The following CYB5A variants were observed in gnomAD, a reference collection of about 807,000 sequenced individuals.
CYB5A encodes cytochrome b5 type A, also known as cytochrome b5.
CYB5A carries 10 observed loss-of-function variants against 16.2 expected under a neutral mutation model. The observed-to-expected ratio is 0.62, with a 90% confidence interval of 0.38 to 1.04. The LOEUF (loss-of-function observed/expected upper bound fraction) is 1.04, where lower values mean the gene tolerates loss of function less well. Ranked by LOEUF, CYB5A falls within the 50% of genes least tolerant of loss-of-function variation. The pLI, the probability that CYB5A is intolerant of heterozygous loss-of-function variation, is 0.01. For missense variants in CYB5A, 161 were observed against 165.9 expected, an observed-to-expected ratio of 0.97 and a Z score of 0.16; for synonymous variants, 62 against 57.0, an observed-to-expected ratio of 1.09 and a Z score of -0.40.
At chr18:74,289,117 C>T (rs545300131) in intron 1 of CYB5A, among the ~76,000 whole-genome samples, 5 of 152,316 alleles carry the variant, frequency 3.3e-5, no homozygotes, top group South Asian at 4.1e-4. Context: ...TCCTCCTAGC[C>T]GTTCCAGGGG....
At chr18:74,283,445 G>A (rs751777048) in intron 1 of CYB5A, among the ~76,000 whole-genome samples, 4 of 152,092 alleles carry the variant, frequency 2.6e-5, no homozygotes, top group Non-Finnish European at 4.4e-5. Flanking sequence ...ACTCCACCCC[G>A]ACTCCCTCTA....
chr18:74,262,410 C>T (rs749969824), intron 2 of CYB5A, among the ~76,000 whole-genome samples: 34 of 150,254 alleles, frequency 2.3e-4, no homozygotes, highest in Admixed American at 2.3e-3. Context: ...GGGCCGAGAT[C>T]GCGCCACTGC....
chr18:74,266,270 G>C (rs1320023951), intron 1 of CYB5A, among the ~76,000 whole-genome samples: 1 of 152,204 alleles, frequency 6.6e-6, no homozygotes, highest in Admixed American at 6.5e-5. Context: ...GTAGAGAGAA[G>C]CCACATGGTG....
chr18:74,257,632 A>G (rs1243531948), intron 3 of CYB5A: 2 of 152,324 alleles, frequency 1.3e-5, no homozygotes, highest in African/African-American at 4.8e-5. Context: ...TCAGTGTGTC[A>G]AAGTCTGGGC....
At chr18:74,276,653 C>A (rs1430062789) in intron 1 of CYB5A, among the ~76,000 whole-genome samples, 1 of 151,996 alleles carries the variant, frequency 6.6e-6, no homozygotes, top group Non-Finnish European at 1.5e-5. Flanking sequence ...TGACAATCTG[C>A]AGCAGGTCAA....
At chr18:74,272,796 C>T (rs1982720398) in intron 1 of CYB5A, among the ~76,000 whole-genome samples, 1 of 151,120 alleles carries the variant, frequency 6.6e-6, no homozygotes, top group African/African-American at 2.4e-5. Flanking sequence ...GTGGTGGGCG[C>T]CTGTATCCTC....
chr18:74,263,989 T>C (rs1417363192), intron 1 of CYB5A, among the ~76,000 whole-genome samples: 1 of 152,098 alleles, frequency 6.6e-6, no homozygotes. Flanking sequence ...CCTAGGCAGA[T>C]CACTTGAGTT....
intron 1 of CYB5A, among the ~76,000 whole-genome samples, chr18:74,283,060 C>T (rs1983179366): frequency 6.6e-6 from 1 of 152,076 alleles, no homozygotes; most frequent in Non-Finnish European, 1.5e-5. Context: ...CCAGTGGCCA[C>T]CATGAGAGGT....
At chr18:74,278,909 T>G (rs947392513) in intron 1 of CYB5A, among the ~76,000 whole-genome samples, 1 of 152,232 alleles carries the variant, frequency 6.6e-6, no homozygotes, top group Non-Finnish European at 1.5e-5. Flanking sequence ...CTTGTCTCAT[T>G]GGATAAAATA....
intron 1 of CYB5A, among the ~76,000 whole-genome samples, chr18:74,272,255 G>A (rs1308590435): frequency 6.6e-6 from 1 of 152,160 alleles, no homozygotes; most frequent in Non-Finnish European, 1.5e-5. Flanking sequence ...GAAAGTTTTA[G>A]GCGATTAGCA....
At chr18:74,256,747 G>C (rs1981998571) in intron 3 of CYB5A, 6 of 1,303,064 alleles carry the variant, frequency 4.6e-6, no homozygotes, top group Non-Finnish European at 6.7e-6. Flanking sequence ...GCATCACTCT[G>C]CAAAGCACGT....
At chr18:74,259,323 T>C (rs1466068455) in intron 3 of CYB5A, 1 of 152,238 alleles carries the variant, frequency 6.6e-6, no homozygotes, top group Non-Finnish European at 1.5e-5. Context: ...TCTTTGATAC[T>C]AAAAGCTAAA....
chr18:74,261,510 G>T, intron 2 of CYB5A: 1 of 166,654 alleles, frequency 6.0e-6, no homozygotes, highest in East Asian at 1.6e-4. Context: ...ACAAGGATGG[G>T]ATCAGGCATG....
intron 1 of CYB5A, among the ~76,000 whole-genome samples, chr18:74,287,932 C>T (rs1446125108): frequency 1.3e-5 from 2 of 152,098 alleles, no homozygotes; most frequent in African/African-American, 4.8e-5. Flanking sequence ...AAATAACTGT[C>T]CCTTAAAGTT....
chr18:74,264,257 C>T (rs1790893), intron 1 of CYB5A, among the ~76,000 whole-genome samples: 142,869 of 151,612 alleles, frequency 0.94, 67,770 homozygotes, highest in East Asian at 1. Flanking sequence ...CTTTCACTAA[C>T]AACATAAGTT....
chr18:74,264,210 CAAA>C (rs59600245), intron 1 of CYB5A, among the ~76,000 whole-genome samples: 134,748 of 144,056 alleles, frequency 0.94, 63,337 homozygotes, highest in East Asian at 0.99. Context: ...GACTCTGTCT[CAAA>C]AAAAAAAAAA....
chr18:74,263,202 T>C, intron 2 of CYB5A, 147 bp downstream of exon 2: 1 of 1,073,302 alleles, frequency 9.3e-7, no homozygotes. Context: ...GGTCAATTTA[T>C]TTATAACAAA....
rs1044313666 is a variant in CYB5A, at chr18:74,252,348, G to A, written c.*1236C>T. 6.6e-6 allele frequency: 1 copy of A among 152,188 alleles called. No individual in the cohort carries two copies. The highest frequency in any genetic ancestry group is 1.5e-5 in the Non-Finnish European group (1 of 68,036). The allele number at this position is 152,188 out of a possible 1,614,324, so 9.4% of individuals were successfully genotyped here. A position where few individuals can be genotyped will look rare whatever the true frequency, so the allele number is the denominator to read the frequency against. On this transcript the variant is annotated 3_prime_UTR_variant, in exon 5 of 5. Coordinates refer to ENST00000340533, the MANE Select transcript of CYB5A (RefSeq NM_148923.4). ...TAAGGCAGAGAATAATAAATGGGAAGTAAGATGACTGAATCAGCCCCTTAG... is the reference window on the plus strand; with the variant it reads ...TAAGGCAGAGAATAATAAATGGGAAATAAGATGACTGAATCAGCCCCTTAG...
rs757806797 is a variant in CYB5A, at chr18:74,260,937, C to T, written c.266G>A (p.Arg89Lys). 6.2e-7 allele frequency: 1 copy of T among 1,612,168 alleles called. No homozygotes were observed. The highest frequency in any genetic ancestry group is 8.5e-7 in the Non-Finnish European group (1 of 1,178,336). Residue 89 changes from arginine (R) to lysine (K), a missense_variant, in exon 3 of 5, where the codon AGA becomes AAA. Coordinates refer to ENST00000340533, the MANE Select transcript of CYB5A (RefSeq NM_148923.4). ...TACCGGAGGCTTGTTTAACTTTGGTCTGTCATCCTGCAATGAAAAGATAAG... is the reference window on the plus strand; with the variant it reads ...TACCGGAGGCTTGTTTAACTTTGGTTTGTCATCCTGCAATGAAAAGATAAG... ...FIIGELHPDD[R>K]PKLNKPPETL...
Sources: gnomAD v4.1 joint callset for allele counts (sites outside exome capture counted in the v4.1 genomes callset) on GRCh38, gnomAD v4.1.1 for gene constraint, MANE v1.5 for transcripts, NCBI Gene and HGNC (gene_info 2026-07-23, HGNC 2026-07-21) for gene names.